The following TIAM1 variants were observed in gnomAD, a reference collection of about 807,000 sequenced individuals.
TIAM1 encodes the protein rho guanine nucleotide exchange factor TIAM1.
TIAM1 carries 65 observed loss-of-function variants against 163.5 expected under a neutral mutation model. The ratio of observed to expected loss-of-function variants is 0.40; its 90% confidence interval spans 0.33 to 0.49. The LOEUF (loss-of-function observed/expected upper bound fraction) is 0.49. Ranked by LOEUF, TIAM1 falls within the 20% of genes least tolerant of loss-of-function variation. The pLI is 0.77. For synonymous variants in TIAM1, 833 were observed against 810.1 expected (o/e 1.03, Z -0.48); for missense variants, 1,789 against 2,044.7 (o/e 0.87, Z 2.41).
chr21:31,284,456 G>A lies in TIAM1; in HGVS notation c.-188-7548C>T, dbSNP rs187116713. 1.6e-3 allele frequency among the ~76,000 whole-genome samples: 237 copies of A among 152,210 alleles called. 1 individual carries two copies. The highest frequency in any genetic ancestry group is 5.5e-3 in the African/African-American group (230 of 41,546). ...ACTTCCTAGGACACACAGCAGGGGG[G>A]GTGGAGGGTAAACAGAGCTCCTCTT... On this transcript the variant is annotated intron_variant, in intron 2 of 27. Coordinates refer to ENST00000541036, the MANE Select transcript of TIAM1 (RefSeq NM_001353694.2).
In TIAM1 at chr21:31,353,100, T is replaced by C. The variant is rs1602075200; in HGVS notation, c.-368-13678A>G. 2.6e-5 allele frequency among the ~76,000 whole-genome samples: 4 copies of C among 152,270 alleles called. No homozygotes were observed. In the South Asian group the frequency reaches 8.3e-4, roughly 32 times the overall value. ...AAACAAGGCACACCCTTGCACAGTA[T>C]GCTGGAGGCACAGCAGTAGGGAACA... On this transcript the variant is annotated intron_variant, in intron 2 of 28. Coordinates refer to the TIAM1 transcript ENST00000286827.
chr21:31,417,551 T>C (rs2147252311), intron 2 of TIAM1, among the ~76,000 whole-genome samples: 1 of 152,218 alleles, frequency 6.6e-6, no homozygotes, highest in East Asian at 1.9e-4. Flanking sequence ...GATTCAATTA[T>C]CTCCCACTGG....
intron 2 of TIAM1, among the ~76,000 whole-genome samples, chr21:31,375,501 T>C (rs934618833): frequency 7.8e-5 from 6 of 76,622 alleles, no homozygotes; most frequent in Non-Finnish European, 9.1e-5. Context: ...CACCTTTCTG[T>C]TTTTTCAACT....
intron 2 of TIAM1, among the ~76,000 whole-genome samples, chr21:31,329,748 T>C (rs1434796818): frequency 6.6e-6 from 1 of 152,176 alleles, no homozygotes; most frequent in Non-Finnish European, 1.5e-5. Context: ...CAGTGACTGC[T>C]GCCCAAGCCG....
chr21:31,135,793 G>A, intron 23 of TIAM1, 140 bp downstream of exon 23: 1 of 741,994 alleles, frequency 1.3e-6, no homozygotes, highest in East Asian at 2.7e-5. Context: ...TGAGATGTTG[G>A]TGGCTACGGC....
chr21:31,297,585 T>C (rs1020903460), intron 2 of TIAM1, among the ~76,000 whole-genome samples: 1 of 152,122 alleles, frequency 6.6e-6, no homozygotes, highest in Admixed American at 6.5e-5. Context: ...GGTATCACCA[T>C]GTTGGCCAGG....
intron 2 of TIAM1, among the ~76,000 whole-genome samples, chr21:31,455,391 T>C (rs1360149192): frequency 6.6e-6 from 1 of 150,756 alleles, no homozygotes; most frequent in African/African-American, 2.4e-5. Flanking sequence ...AGTGGCAATA[T>C]GAGTATCAAA....
At chr21:31,140,183 G>A (rs780714707) in intron 22 of TIAM1, among the ~76,000 whole-genome samples, 13 of 152,154 alleles carry the variant, frequency 8.5e-5, no homozygotes, top group Admixed American at 3.9e-4. Flanking sequence ...ATGGCCTTTA[G>A]TATCTCTGGA....
At chr21:31,335,141 T>C (rs2075797843) in intron 2 of TIAM1, among the ~76,000 whole-genome samples, 1 of 152,192 alleles carries the variant, frequency 6.6e-6, no homozygotes, top group African/African-American at 2.4e-5. Context: ...GAGTCCTCTG[T>C]CTAACCAGAG....
intron 13 of TIAM1, among the ~76,000 whole-genome samples, chr21:31,188,283 T>A (rs1412006320): frequency 6.6e-6 from 1 of 152,212 alleles, no homozygotes; most frequent in Non-Finnish European, 1.5e-5. Flanking sequence ...TTCCAAAGTC[T>A]TCATTTCATT....
intron 2 of TIAM1, among the ~76,000 whole-genome samples, chr21:31,331,925 T>C (rs2075689030): frequency 6.6e-6 from 1 of 152,244 alleles, no homozygotes; most frequent in Non-Finnish European, 1.5e-5. Flanking sequence ...AGCTTTTTGC[T>C]TTCTTTTAAC....
intron 2 of TIAM1, among the ~76,000 whole-genome samples, chr21:31,329,862 T>C (rs1277171433): frequency 1.3e-5 from 2 of 152,194 alleles, no homozygotes; most frequent in Non-Finnish European, 2.9e-5. Context: ...GTTTGAATGT[T>C]GTTGCTGTTT....
chr21:31,445,847 G>T (rs947294865), intron 2 of TIAM1, among the ~76,000 whole-genome samples: 1 of 152,146 alleles, frequency 6.6e-6, no homozygotes, highest in African/African-American at 2.4e-5. Context: ...TTGGGGTTTT[G>T]TTGGTTGTAT....
chr21:31,486,122 T>C (rs2046263813), intron 1 of TIAM1, among the ~76,000 whole-genome samples: 1 of 152,212 alleles, frequency 6.6e-6, no homozygotes, highest in African/African-American at 2.4e-5. Context: ...AAACCAGTTC[T>C]TGTCCACAAT....
chr21:31,415,200 T>C (rs1220471557), intron 2 of TIAM1, among the ~76,000 whole-genome samples: 1 of 152,200 alleles, frequency 6.6e-6, no homozygotes, highest in Non-Finnish European at 1.5e-5. Flanking sequence ...CCATATAAGA[T>C]GTCTCTACAA....
At chr21:31,518,302 T>G (rs1349845289) in intron 1 of TIAM1, among the ~76,000 whole-genome samples, 1 of 152,122 alleles carries the variant, frequency 6.6e-6, no homozygotes, top group Admixed American at 6.5e-5. Context: ...GGGGTTTTTT[T>G]TTGAAATGAA....
chr21:31,265,880 A>C, intron 4 of TIAM1, 130 bp downstream of exon 4: 1 of 1,285,324 alleles, frequency 7.8e-7, no homozygotes, highest in Non-Finnish European at 1.1e-6. Flanking sequence ...AAACAGCACC[A>C]GCTGCAGCAA....
At chr21:31,238,830 T>C (rs941665984) in intron 6 of TIAM1, among the ~76,000 whole-genome samples, 1 of 152,192 alleles carries the variant, frequency 6.6e-6, no homozygotes, top group Non-Finnish European at 1.5e-5. Flanking sequence ...TGGAGAAACA[T>C]AGGCTTGATT....
At chr21:31,244,460 T>C (rs956570586) in intron 6 of TIAM1, among the ~76,000 whole-genome samples, 4 of 152,166 alleles carry the variant, frequency 2.6e-5, no homozygotes, top group Admixed American at 6.5e-5. Context: ...CGCAGTGGCT[T>C]ACACCTGTAA....
Sources: gnomAD v4.1 joint callset for allele counts (sites outside exome capture counted in the v4.1 genomes callset) on GRCh38, gnomAD v4.1.1 for gene constraint, MANE v1.5 for transcripts, NCBI Gene and HGNC (gene_info 2026-07-23, HGNC 2026-07-21) for gene names.